MAVS: variants seen among roughly 807,000 people sequenced by gnomAD.
MAVS encodes the protein mitochondrial antiviral-signaling protein.
Under a neutral mutation model 30.2 loss-of-function variants are expected in MAVS, and 20 were observed. That is an observed-to-expected ratio of 0.66 (90% CI 0.47 to 0.96). MAVS has a LOEUF of 0.96. Among genes scored for constraint, MAVS ranks in the 40% least tolerant of loss-of-function variants. MAVS has a pLI of 0.00. For missense variants in MAVS, 624 were observed against 701.1 expected, an observed-to-expected ratio of 0.89 and a Z score of 1.24; for synonymous variants, 278 against 293.9, an observed-to-expected ratio of 0.95 and a Z score of 0.55.
rs1172908346 is a variant in MAVS, at chr20:3,874,803, T to A, written c.*8656T>A. On this transcript the variant is annotated 3_prime_UTR_variant, in exon 7 of 7. Transcript: ENST00000428216. ...CATATGTGGCCTGGCCATTGTCCAG[T>A]TGTATGTTCAGTCTCTTGGAAGGAA... 1 of 152,202 alleles carries A rather than the reference T, an allele frequency of 6.6e-6. No homozygotes were observed. Among genetic ancestry groups the A allele is most frequent in the Non-Finnish European group, 1.5e-5 (1 of 68,094 alleles). 9.4% of individuals were successfully genotyped at this position (152,202 alleles called of 1,614,324 possible). A position where few individuals can be genotyped will look rare whatever the true frequency, so the allele number is the denominator to read the frequency against.
chr20:3,858,274 G>A (rs1278389805), intron 3 of MAVS, among the ~76,000 whole-genome samples: 1 of 151,200 alleles, frequency 6.6e-6, no homozygotes, highest in Non-Finnish European at 1.5e-5. Context: ...GAGAGCCTTC[G>A]ACGCCCTCTA....
Position 3,873,933 on chromosome 20 carries a change from A to G in MAVS, c.*7786A>G, listed in dbSNP as rs1730366193. 1 of 394,764 alleles carries G rather than the reference A, an allele frequency of 2.5e-6. No individual in the cohort carries two copies. Among genetic ancestry groups the G allele is most frequent in the Non-Finnish European group, 4.5e-6 (1 of 224,470 alleles). 24.5% of individuals were successfully genotyped at this position (394,764 alleles called of 1,614,324 possible). ...CTGGGTATGTACACCACAGAAAGCT[A>G]TGTCCACCGAGACATTGGCAAGAAT... On this transcript the variant is annotated 3_prime_UTR_variant, in exon 7 of 7. Coordinates refer to ENST00000428216, the MANE Select transcript of MAVS (RefSeq NM_020746.5).
rs571543687 is a variant in MAVS, at chr20:3,852,215, T to C, written c.-67-2343T>C. On this transcript the variant is annotated intron_variant, in intron 1 of 6. Transcript: ENST00000428216. The stretch of plus-strand genomic sequence containing the variant: ...TTCACCGTGTTAGCCAGGATGGTCT[T>C]GATCTCCTGACCTCGTGATCCACCC... 2.5e-4 allele frequency among the ~76,000 whole-genome samples: 38 copies of C among 152,080 alleles called. 1 individual carries two copies. The South Asian group carries it at 7.5e-3, about 30-fold the overall frequency.
At position 3,873,920 on chromosome 20, in the gene MAVS, AC is replaced by A; in HGVS notation, c.*7775del. 2.5e-6 allele frequency: 1 copy of A among 392,782 alleles called. No homozygotes were observed. The highest frequency in any genetic ancestry group is 4.5e-6 in the Non-Finnish European group (1 of 223,586). The allele number at this position is 392,782 out of a possible 1,614,324, so 24.3% of individuals were successfully genotyped here. On this transcript the variant is annotated 3_prime_UTR_variant, in exon 7 of 7. Transcript: ENST00000428216. ...AGCAGTTCCACTCCTGGGTATGTAC[AC>A]CACAGAAAGCTATGTCCACCGAGAC...
At chr20:3,864,108 A>T in intron 5 of MAVS, 148 bp from the exon 6 acceptor site, 1 of 882,300 alleles carries the variant, frequency 1.1e-6, no homozygotes, top group Non-Finnish European at 1.8e-6. Flanking sequence ...CAGTGACCAA[A>T]GGGACTGTGG....
rs753006732 is a variant in MAVS, at chr20:3,864,351, C to A, written c.721C>A (p.Pro241Thr). 7.4e-6 allele frequency: 12 copies of A among 1,614,068 alleles called. No individual in the cohort carries two copies. In the Admixed American group the frequency reaches 2.0e-4, roughly 27 times the overall value. Residue 241 changes from proline to threonine, a missense_variant, in exon 6 of 7, where the codon CCT becomes ACT. Pro to Thr is a conservative substitution (Grantham distance 38, BLOSUM62 -1). Coordinates refer to ENST00000428216, the MANE Select transcript of MAVS (RefSeq NM_020746.5). ...ARSTPRASRL[P>T]GPTGSVVSTG... ...TTCCACCCCCAGGGCAAGCCGCTTGCCTGGACCCACAGGGTCAGTTGTATC... is the reference window on the plus strand; with the variant it reads ...TTCCACCCCCAGGGCAAGCCGCTTGACTGGACCCACAGGGTCAGTTGTATC...
Position 3,869,387 on chromosome 20 carries a change from A to T in MAVS, c.*3240A>T, listed in dbSNP as rs1052521319. ...ACGGGGTTTCACTGTGTTAGCCAGG[A>T]TGGTCTCGATCTCCTGACCTTGTGA... On this transcript the variant is annotated 3_prime_UTR_variant, in exon 7 of 7. Coordinates refer to ENST00000428216, the MANE Select transcript of MAVS (RefSeq NM_020746.5). 6.6e-6 allele frequency: 1 copy of T among 151,480 alleles called. No homozygotes were observed. The highest frequency in any genetic ancestry group is 1.5e-5 in the Non-Finnish European group (1 of 67,930). 9.4% of individuals were successfully genotyped at this position (151,480 alleles called of 1,614,324 possible).
intron 3 of MAVS, 27 bp downstream of exon 3, chr20:3,857,836 G>A: frequency 6.2e-7 from 1 of 1,613,418 alleles, no homozygotes; most frequent in South Asian, 1.1e-5. Context: ...TGCCCTCCTG[G>A]ACCCCCAGCC....
At chr20:3,862,746 A>G (rs914294) in intron 5 of MAVS, among the ~76,000 whole-genome samples, 136,605 of 152,154 alleles carry the variant, frequency 0.9, 61,598 homozygotes, top group African/African-American at 0.98. Flanking sequence ...CGGTATATAC[A>G]TAAGTTCTGC....
At chr20:3,862,623 A>C (rs1032200194) in intron 5 of MAVS, among the ~76,000 whole-genome samples, 1 of 150,866 alleles carries the variant, frequency 6.6e-6, no homozygotes, top group Non-Finnish European at 1.5e-5. Context: ...TTTTTTTTTT[A>C]GTAGCTTAAA....
At chr20:3,856,762 G>C (rs1261277602) in intron 2 of MAVS, among the ~76,000 whole-genome samples, 1 of 151,936 alleles carries the variant, frequency 6.6e-6, no homozygotes. Context: ...GGCTGGGCAC[G>C]GTGGCTCACG....
chr20:3,854,521 C>T, intron 1 of MAVS, 37 bp from the exon 2 acceptor site: 2 of 711,358 alleles, frequency 2.8e-6, no homozygotes, highest in Non-Finnish European at 4.7e-6. Flanking sequence ...TCCCAACCCC[C>T]CAACCCTGTT....
chr20:3,859,264 T>C lies in MAVS; in HGVS notation c.292+1455T>C, dbSNP rs985687246. Among the ~76,000 whole-genome samples, 4 of 151,968 alleles carry C rather than the reference T, an allele frequency of 2.6e-5. No homozygotes were observed. In the South Asian group the frequency reaches 8.3e-4, roughly 32 times the overall value. On this transcript the variant is annotated intron_variant, in intron 3 of 6. Coordinates refer to ENST00000428216, the MANE Select transcript of MAVS (RefSeq NM_020746.5). Reference sequence around the variant, plus strand: ...GGCTCACGCCTGTAATCCCAGCACTTTGGGAGGCCGAGGCGGGCGGATCAC... The same window carrying C: ...GGCTCACGCCTGTAATCCCAGCACTCTGGGAGGCCGAGGCGGGCGGATCAC...
chr20:3,869,854 G>T lies in MAVS; in HGVS notation c.*3707G>T, dbSNP rs1054303058. ...TCCTGACCTCAAGTGCTCCACCTGCGTTGGCTTCCCAAAGTGCTGGGATAC... is the reference window on the plus strand; with the variant it reads ...TCCTGACCTCAAGTGCTCCACCTGCTTTGGCTTCCCAAAGTGCTGGGATAC... On this transcript the variant is annotated 3_prime_UTR_variant, in exon 7 of 7. Transcript: ENST00000428216. The T allele has an allele frequency of 6.6e-6, 1 of 151,646 alleles. No homozygotes were observed. 9.4% of individuals were successfully genotyped at this position (151,646 alleles called of 1,614,324 possible).
In MAVS at chr20:3,868,960, T is replaced by C. The variant is rs1015282549; in HGVS notation, c.*2813T>C. 2 of 152,196 alleles carry C rather than the reference T, an allele frequency of 1.3e-5. No individual in the cohort carries two copies. Among genetic ancestry groups the C allele is most frequent in the South Asian group, 2.1e-4 (1 of 4,826 alleles). 9.4% of individuals were successfully genotyped at this position (152,196 alleles called of 1,614,324 possible). A position where few individuals can be genotyped will look rare whatever the true frequency, so the allele number is the denominator to read the frequency against. On this transcript the variant is annotated 3_prime_UTR_variant, in exon 7 of 7. Transcript: ENST00000428216. ...CCCTGGGTAAGGCATGTAGAAAGGG[T>C]TGAGGGACCTTCCCAGTCCCCTAGC...
chr20:3,858,817 A>G (rs1369584991), intron 3 of MAVS, among the ~76,000 whole-genome samples: 3 of 141,532 alleles, frequency 2.1e-5, no homozygotes, highest in African/African-American at 8.0e-5. Flanking sequence ...TTTTCCTTTT[A>G]GAGACAGAGT....
chr20:3,854,756 TGACAGCCC>T lies in MAVS; in HGVS notation c.117+20_117+27del. On this transcript the variant is annotated intron_variant, in intron 2 of 6. Transcript: ENST00000428216. ...CAAGAGACCAGGTGAGCAAGGGAAG[TGACAGCCC>T]GACACTGGCCTGGGGGCAGGGCTGT... is the stretch of plus-strand genomic sequence containing the variant. 6 of 1,579,146 alleles carry T rather than the reference TGACAGCCC, an allele frequency of 3.8e-6. No individual in the cohort carries two copies. The highest frequency in any genetic ancestry group is 4.4e-6 in the Non-Finnish European group (5 of 1,148,756).
chr20:3,857,541 CT>C, intron 2 of MAVS, 93 bp from the exon 3 acceptor site: 1 of 1,446,256 alleles, frequency 6.9e-7, no homozygotes. Context: ...TTGTGGCTTT[CT>C]TGGCACCCCT....
intron 3 of MAVS, 135 bp from the exon 4 acceptor site, chr20:3,861,197 T>C (rs2089864079): frequency 2.7e-6 from 2 of 740,656 alleles, no homozygotes; most frequent in South Asian, 2.0e-5. Flanking sequence ...GGGGTTTCAC[T>C]GTGTTAGCCA....
Sources: allele counts gnomAD v4.1 joint callset (sites outside exome capture counted in the v4.1 genomes callset), GRCh38; gene constraint gnomAD v4.1.1; transcripts MANE v1.5; gene names NCBI Gene and HGNC (gene_info 2026-07-23, HGNC 2026-07-21).